RFTN1: variants seen among roughly 807,000 people sequenced by gnomAD.
The protein encoded by RFTN1 is raftlin, lipid raft linker 1.
RFTN1 carries 26 observed loss-of-function variants against 46.5 expected under a neutral mutation model. The observed-to-expected ratio is 0.56, with a 90% CI of 0.41 to 0.78. The LOEUF (loss-of-function observed/expected upper bound fraction) is 0.78. Among genes scored for constraint, RFTN1 ranks in the 30% least tolerant of loss-of-function variants. The probability of loss-of-function intolerance (pLI) is 0.00; values close to 1 mark genes in which losing one functional copy is unlikely to be tolerated. For synonymous variants in RFTN1, 261 were observed against 284.2 expected (o/e 0.92, Z 0.82); for missense variants, 693 against 718.7 (o/e 0.96, Z 0.41).
chr3:16,399,134 T>A (rs2074543311), intron 4 of RFTN1, among the ~76,000 whole-genome samples: 1 of 152,218 alleles, frequency 6.6e-6, no homozygotes, highest in African/African-American at 2.4e-5. Flanking sequence ...TACATAAAAT[T>A]TTAATGCTTT....
chr3:16,482,595 A>G lies in RFTN1; in HGVS notation c.145+11130T>C, dbSNP rs114863865. 1,804 of 739,494 alleles carry G rather than the reference A, an allele frequency of 2.4e-3. 21 individuals are homozygous for G. In the African/African-American group the frequency reaches 0.028, roughly 12 times the overall value. The allele number at this position is 739,494 out of a possible 1,614,324, so 45.8% of individuals were successfully genotyped here. On this transcript the variant is annotated intron_variant, in intron 2 of 9. Coordinates refer to ENST00000334133, the MANE Select transcript of RFTN1 (RefSeq NM_015150.2). ...TTCTAGCTCATCACACATTCGTTGC[A>G]GAACCACGGGCACATTAGGTAACCT...
In RFTN1 at chr3:16,361,839, C is replaced by G. The variant is rs2072852931; in HGVS notation, c.1031-3792G>C. Among the ~76,000 whole-genome samples the G allele has an allele frequency of 2.0e-5, 3 of 152,176 alleles. No individual in the cohort carries two copies. The highest frequency in any genetic ancestry group is 4.4e-5 in the Non-Finnish European group (3 of 68,032). On this transcript the variant is annotated intron_variant, in intron 6 of 9. Transcript: ENST00000334133. The surrounding 1 kb of genome is among the most constrained non-coding windows in gnomAD (Gnocchi z 4.3). ...GCCATTACATTGAGAGGGCATGCCC[C>G]AGTTAGCCAGTTGGTTCTAGGGAGA...
In RFTN1 at chr3:16,402,948, A is replaced by G. The variant is rs768536573; in HGVS notation, c.441+6427T>C. ...ATCACAAAAGGGAGTCAACTTGGGGAACAGAGCCCAGAGCTGAGGGCCTGA... is the reference window on the plus strand; with the variant it reads ...ATCACAAAAGGGAGTCAACTTGGGGGACAGAGCCCAGAGCTGAGGGCCTGA... On this transcript the variant is annotated intron_variant, in intron 4 of 9. Coordinates refer to ENST00000334133, the MANE Select transcript of RFTN1 (RefSeq NM_015150.2). The surrounding 1 kb of genome is among the most constrained non-coding windows in gnomAD (Gnocchi z 4.5). Among the ~76,000 whole-genome samples, 12 of 152,132 alleles carry G rather than the reference A, an allele frequency of 7.9e-5. No individual in the cohort carries two copies. The highest frequency in any genetic ancestry group is 1.5e-4 in the Non-Finnish European group (10 of 68,026).
chr3:16,360,006 A>C (rs2072722680), intron 6 of RFTN1, among the ~76,000 whole-genome samples: 1 of 152,192 alleles, frequency 6.6e-6, no homozygotes, highest in African/African-American at 2.4e-5. Flanking sequence ...TGAGAAAATT[A>C]TTTGCAACAA....
In RFTN1 at chr3:16,371,893, A is replaced by G. The variant is rs558098614; in HGVS notation, c.827-1614T>C. ...CACTAGACTAGTTTGTGAGTTCACA[A>G]TACAAACTTTAGAAATGGAGCGACA... On this transcript the variant is annotated intron_variant, in intron 5 of 9. Coordinates refer to ENST00000334133, the MANE Select transcript of RFTN1 (RefSeq NM_015150.2). Among the ~76,000 whole-genome samples, 7 of 152,312 alleles carry G rather than the reference A, an allele frequency of 4.6e-5. No individual in the cohort carries two copies. The South Asian group carries it at 1.2e-3, about 27-fold the overall frequency.
intron 7 of RFTN1, among the ~76,000 whole-genome samples, chr3:16,355,090 C>T (rs2072349380): frequency 6.6e-6 from 1 of 152,172 alleles, no homozygotes; most frequent in Non-Finnish European, 1.5e-5. Flanking sequence ...AAGTCTGAGG[C>T]CCTCTCTACA....
intron 7 of RFTN1, among the ~76,000 whole-genome samples, chr3:16,357,081 C>T (rs1437861455): frequency 1.3e-5 from 2 of 149,990 alleles, no homozygotes; most frequent in Non-Finnish European, 3.0e-5. Flanking sequence ...CGCCACTGCA[C>T]TCCAGCCTGG....
rs536102174 is a variant in RFTN1 at position 16,321,912 on chromosome 3, G to T, written c.1332+1464C>A. ...CTTGTCCCCCTGCATGCGATGCCAT[G>T]ACCTTCACACCAACATCCAACCACA... On this transcript the variant is annotated intron_variant, in intron 9 of 9. Coordinates refer to ENST00000334133, the MANE Select transcript of RFTN1 (RefSeq NM_015150.2). The surrounding 1 kb of genome is among the most constrained non-coding windows in gnomAD (Gnocchi z 4.8). Among the ~76,000 whole-genome samples, 1 of 152,290 alleles carries T rather than the reference G, an allele frequency of 6.6e-6. No homozygotes were observed. The highest frequency in any genetic ancestry group is 2.4e-5 in the African/African-American group (1 of 41,560).
At chr3:16,350,541 T>G (rs1270620829) in intron 7 of RFTN1, among the ~76,000 whole-genome samples, 1 of 152,084 alleles carries the variant, frequency 6.6e-6, no homozygotes, top group East Asian at 1.9e-4. Context: ...CATACTATTC[T>G]GTAAACAGGT....
intron 4 of RFTN1, among the ~76,000 whole-genome samples, chr3:16,399,233 G>A (rs1459289089): frequency 6.6e-6 from 1 of 151,806 alleles, no homozygotes; most frequent in African/African-American, 2.4e-5. Context: ...AGATAATTCA[G>A]CAAACCCATG....
Position 16,413,696 on chromosome 3 carries a change from A to G in RFTN1, c.333-4213T>C, listed in dbSNP as rs1476705662. ...CCCAACCTACTTTATCTGGAAATTAACACTAAGCACTCTCCAATTAAATAA... is the reference window on the plus strand; with the variant it reads ...CCCAACCTACTTTATCTGGAAATTAGCACTAAGCACTCTCCAATTAAATAA... On this transcript the variant is annotated intron_variant, in intron 3 of 9. Coordinates refer to ENST00000334133, the MANE Select transcript of RFTN1 (RefSeq NM_015150.2). The surrounding 1 kb of genome is among the most constrained non-coding windows in gnomAD (Gnocchi z 4.7). 6.6e-6 allele frequency among the ~76,000 whole-genome samples: 1 copy of G among 152,224 alleles called. No homozygotes were observed. Among genetic ancestry groups the G allele is most frequent in the East Asian group, 1.9e-4 (1 of 5,204 alleles).
rs180950245 is a variant in RFTN1, at chr3:16,323,391, C to G, written c.1317G>C (p.Lys439Asn). The G allele has an allele frequency of 5.5e-5, 88 of 1,609,912 alleles. No individual in the cohort carries two copies. In the East Asian group the frequency reaches 1.7e-3, roughly 31 times the overall value. Reference protein sequence around the residue: ...LQRPCLPQKIKKKESKFQWRF... With the variant: ...LQRPCLPQKINKKESKFQWRF... ...AGTCTCTTACCTTCGATTCCTTCTTCTTGATTTTCTGAGGTAGACAAGGTC... is the reference window on the plus strand; with the variant it reads ...AGTCTCTTACCTTCGATTCCTTCTTGTTGATTTTCTGAGGTAGACAAGGTC... Residue 439 changes from lysine (K) to asparagine (N), a missense_variant, in exon 9 of 10, where the codon AAG (lysine) becomes AAC (asparagine). Transcript: ENST00000334133.
Position 16,370,387 on chromosome 3 carries a change from T to C in RFTN1, c.827-108A>G. 1 of 985,652 alleles carries C rather than the reference T, an allele frequency of 1.0e-6. No individual in the cohort carries two copies. Among genetic ancestry groups the C allele is most frequent in the East Asian group, 2.4e-5 (1 of 41,798 alleles). The allele number at this position is 985,652 out of a possible 1,614,324, so 61.1% of individuals were successfully genotyped here. On this transcript the variant is annotated intron_variant, in intron 5 of 9. Coordinates refer to ENST00000334133, the MANE Select transcript of RFTN1 (RefSeq NM_015150.2). The surrounding 1 kb of genome is among the most constrained non-coding windows in gnomAD (Gnocchi z 5.5). ...TCAGGAGCCTGAATAAATGATATGA[T>C]GAATGCTGAAATCTCTGTGAGGCTG...
chr3:16,503,409 T>C (rs1281413601), intron 1 of RFTN1, among the ~76,000 whole-genome samples: 1 of 152,220 alleles, frequency 6.6e-6, no homozygotes, highest in Non-Finnish European at 1.5e-5. Context: ...GACTGCACTT[T>C]GGAACCATCT....
chr3:16,392,680 C>CATAT (rs56680725), intron 4 of RFTN1, among the ~76,000 whole-genome samples: 2 of 150,076 alleles, frequency 1.3e-5, no homozygotes, highest in African/African-American at 4.9e-5. Flanking sequence ...CACACACACA[C>CATAT]ATATATATAT....
chr3:16,366,614 C>T (rs1487839927), intron 6 of RFTN1, among the ~76,000 whole-genome samples: 1 of 152,204 alleles, frequency 6.6e-6, no homozygotes, highest in Non-Finnish European at 1.5e-5. Flanking sequence ...TTTTGTCTGC[C>T]TACCCCCTTC....
rs2070746019 is a variant in RFTN1, at chr3:16,335,384, G to A, written c.1147-8508C>T. Among the ~76,000 whole-genome samples the A allele has an allele frequency of 6.6e-6, 1 of 152,262 alleles. No homozygotes were observed. The highest frequency in any genetic ancestry group is 2.4e-5 in the African/African-American group (1 of 41,540). ...CTGCATGGGAAACAGGCTTAAGAAG[G>A]GAGTTTGTACCACATTTTCTTTATC... On this transcript the variant is annotated intron_variant, in intron 7 of 9. Coordinates refer to ENST00000334133, the MANE Select transcript of RFTN1 (RefSeq NM_015150.2). This position sits in a 1 kb window ranked among gnomAD's most constrained non-coding sequence, Gnocchi z 4.7.
Position 16,407,839 on chromosome 3 carries a change from G to C in RFTN1, c.441+1536C>G, listed in dbSNP as rs1306359716. Among the ~76,000 whole-genome samples the C allele has an allele frequency of 6.6e-6, 1 of 152,020 alleles. No individual in the cohort carries two copies. The highest frequency in any genetic ancestry group is 2.4e-5 in the African/African-American group (1 of 41,378). ...AATCTGAATTCTACCAGAGTAGAAA[G>C]AGCCTCCCTCATCCTAGTAAAATTA... On this transcript the variant is annotated intron_variant, in intron 4 of 9. Coordinates refer to ENST00000334133, the MANE Select transcript of RFTN1 (RefSeq NM_015150.2). This position sits in a 1 kb window ranked among gnomAD's most constrained non-coding sequence, Gnocchi z 4.0.
rs1182017677 is a variant in RFTN1, at chr3:16,346,928, C to G, written c.1146+11004G>C. Among the ~76,000 whole-genome samples the G allele has an allele frequency of 6.6e-6, 1 of 152,122 alleles. No individual in the cohort carries two copies. The highest frequency in any genetic ancestry group is 1.5e-5 in the Non-Finnish European group (1 of 68,020). On this transcript the variant is annotated intron_variant, in intron 7 of 9. Coordinates refer to ENST00000334133, the MANE Select transcript of RFTN1 (RefSeq NM_015150.2). The surrounding 1 kb of genome is among the most constrained non-coding windows in gnomAD (Gnocchi z 4.4). ...TGACAAAGCTGACTCTGCAACCTCC[C>G]CACCTTGCTCTAGACTTCCTGCTCA...
Sources: allele counts gnomAD v4.1 joint callset (sites outside exome capture counted in the v4.1 genomes callset), GRCh38; gene constraint gnomAD v4.1.1; non-coding constraint Gnocchi (gnomAD v3.1); transcripts MANE v1.5; gene names NCBI Gene and HGNC (gene_info 2026-07-23, HGNC 2026-07-21).